The following DRAXIN variants were observed in gnomAD, a reference collection of about 807,000 sequenced individuals.
The protein encoded by DRAXIN is dorsal inhibitory axon guidance protein, also known as dorsal repulsive axon guidance protein.
In DRAXIN, 27 loss-of-function variants were observed where a neutral mutation model predicts 33.9. The ratio of observed to expected loss-of-function variants is 0.80; its 90% CI spans 0.59 to 1.10. The LOEUF (loss-of-function observed/expected upper bound fraction) is 1.10. DRAXIN is among the 50% of genes least tolerant of loss of function. The pLI, the probability that DRAXIN is intolerant of heterozygous loss-of-function variation, is 0.00. For missense variants in DRAXIN, 371 were observed against 460.8 expected (o/e 0.81, Z 1.78); for synonymous variants, 178 against 194.0 (o/e 0.92, Z 0.69).
rs1641636354 is a variant in DRAXIN at position 11,719,878 on chromosome 1, G to A, written c.*182G>A. Reference sequence around the variant, plus strand: ...TGAGCTGGGTGGGTGCCCAGGAGCCGGCCCGCAGCACCTGCACACACGAAG... The same window carrying A: ...TGAGCTGGGTGGGTGCCCAGGAGCCAGCCCGCAGCACCTGCACACACGAAG... On this transcript the variant is annotated 3_prime_UTR_variant, in exon 7 of 7. Coordinates refer to ENST00000294485, the MANE Select transcript of DRAXIN (RefSeq NM_198545.4). The A allele has an allele frequency of 5.0e-6, 3 of 602,626 alleles. No homozygotes were observed. Among genetic ancestry groups the A allele is most frequent in the Admixed American group, 2.8e-5 (1 of 36,170 alleles). 37.3% of individuals were successfully genotyped at this position (602,626 alleles called of 1,614,324 possible).
At chr1:11,716,264 C>G (rs1641576321) in intron 6 of DRAXIN, among the ~76,000 whole-genome samples, 1 of 152,210 alleles carries the variant, frequency 6.6e-6, no homozygotes, top group African/African-American at 2.4e-5. Flanking sequence ...GCTTCAATAC[C>G]AACTCACGGC....
rs951691760 is a variant in DRAXIN, at chr1:11,694,393, C to T, written c.-11+2540C>T. 6.6e-6 allele frequency among the ~76,000 whole-genome samples: 1 copy of T among 151,870 alleles called. No homozygotes were observed. The highest frequency in any genetic ancestry group is 2.4e-5 in the African/African-American group (1 of 41,320). On this transcript the variant is annotated intron_variant, in intron 1 of 6. Coordinates refer to ENST00000294485, the MANE Select transcript of DRAXIN (RefSeq NM_198545.4). The surrounding 1 kb of genome is among the most constrained non-coding windows in gnomAD (Gnocchi z 4.9). ...GGAGGGGGAGCAAGCTGCCCGGAAA[C>T]CCCTGTGATACTGAGGCCCTGTATC...
rs1262271194 is a variant in DRAXIN, at chr1:11,694,481, G to A, written c.-11+2628G>A. On this transcript the variant is annotated intron_variant, in intron 1 of 6. Coordinates refer to ENST00000294485, the MANE Select transcript of DRAXIN (RefSeq NM_198545.4). This position sits in a 1 kb window ranked among gnomAD's most constrained non-coding sequence, Gnocchi z 4.9. ...GGGGTAGAAACTGAGACCAGAGAACGAAGTGGCTCACCCCAGCCGTGCAGA... is the reference window on the plus strand; with the variant it reads ...GGGGTAGAAACTGAGACCAGAGAACAAAGTGGCTCACCCCAGCCGTGCAGA... Among the ~76,000 whole-genome samples the A allele has an allele frequency of 2.0e-5, 3 of 152,130 alleles. No individual in the cohort carries two copies. The highest frequency in any genetic ancestry group is 2.1e-4 in the South Asian group (1 of 4,830).
intron 1 of DRAXIN, among the ~76,000 whole-genome samples, chr1:11,700,347 T>A (rs903709527): frequency 2.6e-5 from 4 of 152,278 alleles, no homozygotes; most frequent in Non-Finnish European, 4.4e-5. Context: ...GCTGCGCTTC[T>A]AACTGGCTTT....
At chr1:11,689,696 C>T (rs905254705), upstream of DRAXIN, among the ~76,000 whole-genome samples, 1 of 152,148 alleles carries the variant, frequency 6.6e-6, no homozygotes, top group Non-Finnish European at 1.5e-5. Flanking sequence ...AACCAGCAAC[C>T]CTTGGTGCTG....
chr1:11,708,189 G>A (rs1013796075), intron 2 of DRAXIN, among the ~76,000 whole-genome samples: 6 of 152,374 alleles, frequency 3.9e-5, no homozygotes, highest in Admixed American at 6.5e-5. Flanking sequence ...GACCCGTCCT[G>A]CTGGGCTCCG....
intron 6 of DRAXIN, among the ~76,000 whole-genome samples, chr1:11,717,698 T>C (rs1641598310): frequency 1.3e-5 from 2 of 148,178 alleles, no homozygotes; most frequent in Non-Finnish European, 3.0e-5. Flanking sequence ...GAAGTGGGCA[T>C]TGGAGGCCAG....
chr1:11,712,038 C>A, intron 4 of DRAXIN, 73 bp downstream of exon 4: 3 of 1,360,352 alleles, frequency 2.2e-6, no homozygotes, highest in African/African-American at 1.4e-5. Context: ...GAGGTGGGGG[C>A]CCCAGTGAGC....
At position 11,694,864 on chromosome 1, in the gene DRAXIN, CCCCATGCCCCAACACCATGACCCA is replaced by C. The variant is rs1354763562; in HGVS notation, c.-11+3029_-11+3052del. Among the ~76,000 whole-genome samples, 2 of 152,148 alleles carry C rather than the reference CCCCATGCCCCAACACCATGACCCA, an allele frequency of 1.3e-5. No individual in the cohort carries two copies. The highest frequency in any genetic ancestry group is 2.9e-5 in the Non-Finnish European group (2 of 68,030). On this transcript the variant is annotated intron_variant, in intron 1 of 6. Transcript: ENST00000294485. The surrounding 1 kb of genome is among the most constrained non-coding windows in gnomAD (Gnocchi z 4.9). Reference sequence around the variant, plus strand: ...CACCCCAGGTTCCAGCTTGACAACGCCCCATGCCCCAACACCATGACCCACCCATGCCCCAACACCAAGACTTCT... The same window carrying C: ...CACCCCAGGTTCCAGCTTGACAACGCCCCATGCCCCAACACCAAGACTTCT...
At chr1:11,708,184 G>A (rs764714594) in intron 2 of DRAXIN, among the ~76,000 whole-genome samples, 5 of 152,228 alleles carry the variant, frequency 3.3e-5, no homozygotes, top group Admixed American at 1.3e-4. Context: ...GTGTGGACCC[G>A]TCCTGCTGGG....
rs562338669 is a variant in DRAXIN at position 11,710,469 on chromosome 1, T to A, written c.642+1004T>A. 2.6e-5 allele frequency among the ~76,000 whole-genome samples: 4 copies of A among 151,710 alleles called. No individual in the cohort carries two copies. In the East Asian group the frequency reaches 7.7e-4, roughly 29 times the overall value. On this transcript the variant is annotated intron_variant, in intron 3 of 6. Coordinates refer to ENST00000294485, the MANE Select transcript of DRAXIN (RefSeq NM_198545.4). ...ATGATTGCACCACTGCACTCCAGCC[T>A]GGGCGACAGAGTGAGACCCTGTCTC...
At position 11,724,387 on chromosome 1, in the gene DRAXIN, C is replaced by T. The variant is rs1028907917; in HGVS notation, c.*4691C>T. 5 of 152,346 alleles carry T rather than the reference C, an allele frequency of 3.3e-5. No individual in the cohort carries two copies. The highest frequency in any genetic ancestry group is 4.8e-5 in the African/African-American group (2 of 41,464). The allele number at this position is 152,346 out of a possible 1,614,324, so 9.4% of individuals were successfully genotyped here. ...GGATCCCAGGAATACCTGCTGTTCC[C>T]ACAGGGCTGCCTTTCCGTAGTTTGT... is the stretch of plus-strand genomic sequence containing the variant. On this transcript the variant is annotated 3_prime_UTR_variant, in exon 7 of 7. Transcript: ENST00000294485.
upstream of DRAXIN, among the ~76,000 whole-genome samples, chr1:11,688,881 C>A (rs115021206): frequency 0.021 from 3,149 of 152,288 alleles, 104 homozygotes; most frequent in African/African-American, 0.071. This position sits in a 1 kb window ranked among gnomAD's most constrained non-coding sequence, Gnocchi z 4.6. Flanking sequence ...TCAAAACCCA[C>A]CAAAAGCAAG....
intron 2 of DRAXIN, among the ~76,000 whole-genome samples, chr1:11,709,001 A>G (rs1641433355): frequency 1.3e-5 from 2 of 152,210 alleles, no homozygotes; most frequent in African/African-American, 4.8e-5. Flanking sequence ...CGCCCAGCCA[A>G]TCTGGACTTG....
At position 11,706,271 on chromosome 1, in the gene DRAXIN, G is replaced by A. The variant is rs1641377688; in HGVS notation, c.13G>A (p.Ala5Thr). The A allele has an allele frequency of 1.3e-5, 20 of 1,595,270 alleles. No individual in the cohort carries two copies. The highest frequency in any genetic ancestry group is 1.6e-5 in the Non-Finnish European group (19 of 1,170,386). MAGP[A>T]IHTAPMLFLV... ...CAGGGAGGAGCCAATGGCTGGGCCT[G>A]CCATCCACACCGCTCCCATGCTGTT... The change falls in exon 2 of 7, where the codon GCC (alanine) becomes ACC (threonine). Residue 5 changes from alanine (A) to threonine (T), a missense_variant. By Grantham distance (58) the Ala-to-Thr change is moderately conservative. Coordinates refer to ENST00000294485, the MANE Select transcript of DRAXIN (RefSeq NM_198545.4). The surrounding 1 kb of genome is among the most constrained non-coding windows in gnomAD (Gnocchi z 5.5).
chr1:11,689,528 G>A (rs1641023640), upstream of DRAXIN, among the ~76,000 whole-genome samples: 1 of 152,078 alleles, frequency 6.6e-6, no homozygotes, highest in Non-Finnish European at 1.5e-5. Context: ...CCCGGGAGGT[G>A]GAGGTTGCAG....
At chr1:11,703,198 G>T (rs1484671644) in intron 1 of DRAXIN, among the ~76,000 whole-genome samples, 4 of 152,226 alleles carry the variant, frequency 2.6e-5, no homozygotes, top group Non-Finnish European at 4.4e-5. Flanking sequence ...TAAAAAACCT[G>T]ACGGTCCCAG....
At position 11,706,721 on chromosome 1, in the gene DRAXIN, G is replaced by A. The variant is rs572202255; in HGVS notation, c.451+12G>A. On this transcript the variant is annotated intron_variant, in intron 2 of 6. Coordinates refer to ENST00000294485, the MANE Select transcript of DRAXIN (RefSeq NM_198545.4). This position sits in a 1 kb window ranked among gnomAD's most constrained non-coding sequence, Gnocchi z 5.5. Reference sequence around the variant, plus strand: ...GAGGCTGCACCAAGGTAGCTGGAGGGCTGCGAGGGGTGGGGATGGGGGTGA... The same window carrying A: ...GAGGCTGCACCAAGGTAGCTGGAGGACTGCGAGGGGTGGGGATGGGGGTGA... 57 of 1,544,752 alleles carry A rather than the reference G, an allele frequency of 3.7e-5. No individual in the cohort carries two copies. In the East Asian group the frequency reaches 1.1e-3, roughly 31 times the overall value.
chr1:11,712,021 A>G, intron 4 of DRAXIN, 56 bp downstream of exon 4: 1 of 1,534,194 alleles, frequency 6.5e-7, no homozygotes, highest in African/African-American at 1.4e-5. Context: ...CTCCCGCACC[A>G]TCTGTTGAGG....
Sources: gnomAD v4.1 joint callset for allele counts (sites outside exome capture counted in the v4.1 genomes callset) on GRCh38, gnomAD v4.1.1 for gene constraint, Gnocchi (gnomAD v3.1) non-coding constraint, MANE v1.5 for transcripts, NCBI Gene and HGNC (gene_info 2026-07-23, HGNC 2026-07-21) for gene names.